The following COL5A2 variants were observed in gnomAD, a reference collection of about 807,000 sequenced individuals.
The protein encoded by COL5A2 is collagen alpha-2(V) chain.
A neutral mutation model predicts 208.2 loss-of-function variants in COL5A2; 23 were observed. The ratio of observed to expected loss-of-function variants is 0.11; its 90% CI spans 0.08 to 0.16. COL5A2 has a LOEUF of 0.16. COL5A2 is among the 10% of genes least tolerant of loss of function. The pLI, the probability that COL5A2 is intolerant of heterozygous loss-of-function variation, is 1.00. For missense variants in COL5A2, 1,590 were observed against 1,956.4 expected (o/e 0.81, Z 3.53); for synonymous variants, 625 against 628.5 (o/e 0.99, Z 0.08).
intron 8 of COL5A2, among the ~76,000 whole-genome samples, chr2:189,088,458 A>C (rs1686711831): frequency 6.6e-6 from 1 of 152,178 alleles, no homozygotes; most frequent in South Asian, 2.1e-4. Context: ...ATATTAAATA[A>C]AATGTACAGA....
At chr2:189,114,581 T>C (rs1365766190) in intron 1 of COL5A2, among the ~76,000 whole-genome samples, 1 of 124,708 alleles carries the variant, frequency 8.0e-6, no homozygotes, top group Non-Finnish European at 1.7e-5. Flanking sequence ...ATCCAAATCA[T>C]AAAATTAACC....
At chr2:189,386,935 A>G in the COL5A2 span, among the ~76,000 whole-genome samples, 1 of 152,020 alleles carries the variant, frequency 6.6e-6, no homozygotes, top group South Asian at 2.1e-4. Context: ...CAGCAGAAAA[A>G]CTGTTTGACT....
the COL5A2 span, among the ~76,000 whole-genome samples, chr2:189,324,160 C>T: frequency 1.3e-5 from 2 of 152,164 alleles, no homozygotes; most frequent in Non-Finnish European, 2.9e-5. Flanking sequence ...ACACCTTATA[C>T]AAAAATTCAT....
chr2:189,387,634 C>G, the COL5A2 span, among the ~76,000 whole-genome samples: 1 of 152,142 alleles, frequency 6.6e-6, no homozygotes, highest in African/African-American at 2.4e-5. Context: ...TTTGACTCAA[C>G]AACTCCACTT....
the COL5A2 span, among the ~76,000 whole-genome samples, chr2:189,303,734 T>C: frequency 6.6e-6 from 1 of 152,190 alleles, no homozygotes; most frequent in Non-Finnish European, 1.5e-5. Flanking sequence ...ATGTTCAAAC[T>C]GTGTTCAAAT....
chr2:189,172,607 A>G (rs1421055134), intron 1 of COL5A2, among the ~76,000 whole-genome samples: 1 of 152,178 alleles, frequency 6.6e-6, no homozygotes, highest in Non-Finnish European at 1.5e-5. Context: ...AAACTGCTAA[A>G]TAGAACGAGG....
Position 189,033,890 on chromosome 2 carries a change from T to C in COL5A2, c.*180A>G. 2.7e-6 allele frequency: 2 copies of C among 735,928 alleles called. No individual in the cohort carries two copies. The highest frequency in any genetic ancestry group is 4.5e-6 in the Non-Finnish European group (2 of 441,722). 45.6% of individuals were successfully genotyped at this position (735,928 alleles called of 1,614,324 possible). On this transcript the variant is annotated 3_prime_UTR_variant, in exon 54 of 54. Transcript: ENST00000374866. The stretch of plus-strand genomic sequence containing the variant: ...AAAATCAATTAAAACTTGAGGATTG[T>C]AAGTAAAATAAATATTCTGAAGGAT...
chr2:189,310,038 A>C, the COL5A2 span, among the ~76,000 whole-genome samples: 1 of 152,250 alleles, frequency 6.6e-6, no homozygotes, highest in African/African-American at 2.4e-5. Context: ...CTGCTTTACA[A>C]GGCAGAATAT....
chr2:189,145,098 A>C (rs1347469310), intron 1 of COL5A2, among the ~76,000 whole-genome samples: 1 of 152,152 alleles, frequency 6.6e-6, no homozygotes, highest in African/African-American at 2.4e-5. Flanking sequence ...TATGTATGAA[A>C]CAGTAGAAGC....
the COL5A2 span, among the ~76,000 whole-genome samples, chr2:189,264,139 G>C: frequency 6.6e-6 from 1 of 151,976 alleles, no homozygotes; most frequent in East Asian, 1.9e-4. Flanking sequence ...TAGAAAATAC[G>C]TGTGTAAGAT....
chr2:189,417,764 A>G, the COL5A2 span, among the ~76,000 whole-genome samples: 1 of 151,860 alleles, frequency 6.6e-6, no homozygotes, highest in East Asian at 1.9e-4. Context: ...GCTGCAAGTG[A>G]CAGGATTTCA....
chr2:189,154,335 T>G (rs1213710160), intron 1 of COL5A2, among the ~76,000 whole-genome samples: 3 of 152,214 alleles, frequency 2.0e-5, no homozygotes, highest in Non-Finnish European at 2.9e-5. Flanking sequence ...TAGCTCAAAA[T>G]TTATTCACAG....
At chr2:189,108,898 T>C (rs1331968151) in intron 2 of COL5A2, among the ~76,000 whole-genome samples, 2 of 151,952 alleles carry the variant, frequency 1.3e-5, no homozygotes, top group African/African-American at 2.4e-5. Flanking sequence ...TGATTTTCCT[T>C]CTATTTCTTT....
chr2:189,246,271 C>G, the COL5A2 span, among the ~76,000 whole-genome samples: 1 of 151,100 alleles, frequency 6.6e-6, no homozygotes, highest in Non-Finnish European at 1.5e-5. Flanking sequence ...ATCTTTGTTT[C>G]ACAGAACAAT....
At chr2:189,089,029 TA>T (rs1228527962) in intron 7 of COL5A2, among the ~76,000 whole-genome samples, 1 of 151,876 alleles carries the variant, frequency 6.6e-6, no homozygotes, top group Non-Finnish European at 1.5e-5. Flanking sequence ...AAATGTCTGA[TA>T]CTTGATAAAA....
chr2:189,215,803 C>T (rs1689272043), intron 1 of COL5A2, among the ~76,000 whole-genome samples: 1 of 152,054 alleles, frequency 6.6e-6, no homozygotes, highest in Non-Finnish European at 1.5e-5. Context: ...ACCTCTTTCG[C>T]CTATTCTAAA....
intron 1 of COL5A2, among the ~76,000 whole-genome samples, chr2:189,157,648 G>A (rs1245750990): frequency 1.3e-5 from 2 of 151,928 alleles, no homozygotes; most frequent in Non-Finnish European, 2.9e-5. Flanking sequence ...GGAATGTAAT[G>A]TTTTTGGATG....
the COL5A2 span, among the ~76,000 whole-genome samples, chr2:189,371,655 A>G: frequency 6.6e-6 from 1 of 152,220 alleles, no homozygotes; most frequent in Non-Finnish European, 1.5e-5. Context: ...GACTTGGGGT[A>G]TCTGGCGGAA....
At chr2:189,186,172 C>T (rs961855755) in intron 1 of COL5A2, among the ~76,000 whole-genome samples, 10 of 151,706 alleles carry the variant, frequency 6.6e-5, no homozygotes, top group Non-Finnish European at 7.4e-5. Flanking sequence ...TTTTTTTTAA[C>T]ATTTTTGTAG....
Sources: gnomAD v4.1 joint callset for allele counts (sites outside exome capture counted in the v4.1 genomes callset) on GRCh38, gnomAD v4.1.1 for gene constraint, MANE v1.5 for transcripts, NCBI Gene and HGNC (gene_info 2026-07-23, HGNC 2026-07-21) for gene names.